Variants in KIAA1328 observed in about 807,000 individuals in gnomAD.
KIAA1328 encodes the protein protein hinderin.
A neutral mutation model predicts 68.1 loss-of-function variants in KIAA1328; 52 were observed. That is an observed-to-expected ratio of 0.76 (90% confidence interval 0.61 to 0.96). KIAA1328 has a LOEUF of 0.96. Among genes scored for constraint, KIAA1328 ranks in the 40% least tolerant of loss-of-function variants. The pLI is 0.00. For synonymous variants in KIAA1328, 232 were observed against 239.4 expected (o/e 0.97, Z 0.28); for missense variants, 641 against 677.6 (o/e 0.95, Z 0.60).
intron 4 of KIAA1328, among the ~76,000 whole-genome samples, chr18:36,868,983 A>G (rs2047851278): frequency 1.3e-5 from 2 of 150,128 alleles, no homozygotes; most frequent in African/African-American, 2.4e-5. Flanking sequence ...TTAAATGTAC[A>G]TTGATTGCGT....
rs751664540 is a variant in KIAA1328 at position 37,172,960 on chromosome 18, A to G, written c.1415-13A>G. The G allele has an allele frequency of 6.3e-7, 1 of 1,579,942 alleles. No individual in the cohort carries two copies. The highest frequency in any genetic ancestry group is 8.6e-7 in the Non-Finnish European group (1 of 1,160,822). On this transcript the variant is annotated splice_polypyrimidine_tract_variant and intron_variant, in intron 8 of 9. Transcript: ENST00000280020. ...ACTGAATGCCCAAATTATTTTCTTT[A>G]TTTTTCATATAGGGACAGTGACAGG...
chr18:36,871,149 G>A lies in KIAA1328; in HGVS notation c.333-14408G>A, dbSNP rs568334006. 1.1e-4 allele frequency among the ~76,000 whole-genome samples: 16 copies of A among 152,252 alleles called. No homozygotes were observed. In the East Asian group the frequency reaches 2.3e-3, roughly 22 times the overall value. ...ACGTGAAGGGAAGTTATGCCTAGAG[G>A]AATTTGAAACCTACAGTGCACTGTG... On this transcript the variant is annotated intron_variant, in intron 4 of 9. Transcript: ENST00000280020.
At chr18:36,835,795 C>T (rs1310001796) in intron 3 of KIAA1328, among the ~76,000 whole-genome samples, 1 of 152,132 alleles carries the variant, frequency 6.6e-6, no homozygotes, top group East Asian at 1.9e-4. Context: ...AGTATCGGTG[C>T]ATTCCTTTGG....
At chr18:36,853,270 C>T (rs189240971) in intron 4 of KIAA1328, among the ~76,000 whole-genome samples, 1 of 152,064 alleles carries the variant, frequency 6.6e-6, no homozygotes, top group African/African-American at 2.4e-5. Context: ...AAAGATTTAC[C>T]TCCACCCTTT....
At chr18:37,153,639 T>A (rs893592502) in intron 7 of KIAA1328, among the ~76,000 whole-genome samples, 7 of 148,032 alleles carry the variant, frequency 4.7e-5, no homozygotes, top group African/African-American at 1.7e-4. Flanking sequence ...TTTTTTTTTT[T>A]TTTTTTTTTT....
At chr18:37,088,723 GT>G (rs1277559204) in intron 7 of KIAA1328, among the ~76,000 whole-genome samples, 1 of 151,742 alleles carries the variant, frequency 6.6e-6, no homozygotes, top group African/African-American at 2.4e-5. Flanking sequence ...GGTAATCTTT[GT>G]ATGTATTACT....
At chr18:37,060,368 A>T (rs2056099009) in intron 6 of KIAA1328, among the ~76,000 whole-genome samples, 1 of 152,220 alleles carries the variant, frequency 6.6e-6, no homozygotes, top group Non-Finnish European at 1.5e-5. Context: ...GAAGACATTC[A>T]CATGACCAAA....
rs544284881 is a variant in KIAA1328 at position 36,980,291 on chromosome 18, A to G, written c.576+20856A>G. Among the ~76,000 whole-genome samples the G allele has an allele frequency of 1.2e-4, 19 of 152,276 alleles. 1 individual carries two copies. In the East Asian group the frequency reaches 3.7e-3, roughly 29 times the overall value. On this transcript the variant is annotated intron_variant, in intron 6 of 9. Transcript: ENST00000280020. ...CCCTCCTTATAGCCAGTGCAGGGCAATAGACTACTACATGCACACTTCTCA... is the reference window on the plus strand; with the variant it reads ...CCCTCCTTATAGCCAGTGCAGGGCAGTAGACTACTACATGCACACTTCTCA...
intron 6 of KIAA1328, among the ~76,000 whole-genome samples, chr18:37,012,605 CAG>C (rs759130214): frequency 5.3e-5 from 8 of 152,168 alleles, no homozygotes; most frequent in Non-Finnish European, 1.2e-4. Flanking sequence ...GTAGTCAACA[CAG>C]TATCTAACTT....
At chr18:37,142,388 C>T (rs979858931) in intron 7 of KIAA1328, among the ~76,000 whole-genome samples, 19 of 152,128 alleles carry the variant, frequency 1.2e-4, no homozygotes, top group African/African-American at 4.6e-4. Flanking sequence ...GACGGGGTTT[C>T]ACTAGGTCGG....
chr18:37,047,602 A>G (rs896721056), intron 6 of KIAA1328, among the ~76,000 whole-genome samples: 5 of 152,140 alleles, frequency 3.3e-5, no homozygotes, highest in Non-Finnish European at 7.4e-5. Flanking sequence ...ACACCCTCAC[A>G]TATACCTTTA....
At chr18:37,185,497 A>C (rs945031915) in intron 9 of KIAA1328, among the ~76,000 whole-genome samples, 21 of 152,160 alleles carry the variant, frequency 1.4e-4, no homozygotes, top group Admixed American at 5.2e-4. Context: ...AATGTAGGCT[A>C]CATGCTTTGC....
chr18:37,068,733 T>C (rs1160507126), intron 7 of KIAA1328, among the ~76,000 whole-genome samples: 1 of 152,164 alleles, frequency 6.6e-6, no homozygotes, highest in Non-Finnish European at 1.5e-5. Context: ...TTGTCAGATA[T>C]GTGAATAGCA....
At chr18:36,920,100 G>A (rs746056524) in intron 5 of KIAA1328, among the ~76,000 whole-genome samples, 83 of 152,240 alleles carry the variant, frequency 5.5e-4, no homozygotes, top group Non-Finnish European at 1.0e-3. Flanking sequence ...GCAGTTGCTT[G>A]TAGGAACTCG....
At chr18:37,162,038 G>C (rs562130384) in intron 8 of KIAA1328, among the ~76,000 whole-genome samples, 7 of 152,290 alleles carry the variant, frequency 4.6e-5, no homozygotes, top group African/African-American at 1.7e-4. Context: ...TTGACTAACA[G>C]GGGTTCAGAA....
At chr18:37,074,719 T>A (rs1002280792) in intron 7 of KIAA1328, 1 of 157,864 alleles carries the variant, frequency 6.3e-6, no homozygotes, top group Non-Finnish European at 1.4e-5. Flanking sequence ...AGTTTTCAAC[T>A]TCTTTGCCTT....
intron 6 of KIAA1328, among the ~76,000 whole-genome samples, chr18:37,028,281 T>C (rs976578230): frequency 6.6e-6 from 1 of 152,162 alleles, no homozygotes; most frequent in Admixed American, 6.6e-5. Context: ...AAATATTTTA[T>C]TTTTTGTGTA....
At chr18:36,888,519 G>T (rs72887024) in intron 5 of KIAA1328, among the ~76,000 whole-genome samples, 20,732 of 152,078 alleles carry the variant, frequency 0.14, 1,761 homozygotes, top group Admixed American at 0.18. Context: ...GGAGCAAATG[G>T]TATATCATTG....
chr18:37,013,228 A>G (rs2054036731), intron 6 of KIAA1328, among the ~76,000 whole-genome samples: 1 of 152,184 alleles, frequency 6.6e-6, no homozygotes, highest in African/African-American at 2.4e-5. Flanking sequence ...TCAACTAGGG[A>G]GTTAGATCAC....
Sources: allele counts gnomAD v4.1 joint callset (sites outside exome capture counted in the v4.1 genomes callset), GRCh38; gene constraint gnomAD v4.1.1; transcripts MANE v1.5; gene names NCBI Gene and HGNC (gene_info 2026-07-23, HGNC 2026-07-21).